The following SYNJ2BP variants were observed in gnomAD, a reference collection of about 807,000 sequenced individuals.
SYNJ2BP encodes the protein synaptojanin 2 binding protein.
SYNJ2BP carries 10 observed loss-of-function variants against 16.9 expected under a neutral mutation model. The ratio of observed to expected loss-of-function variants is 0.59; its 90% CI spans 0.36 to 1.00. SYNJ2BP has a LOEUF of 1.00. Ranked by LOEUF, SYNJ2BP falls within the 50% of genes least tolerant of loss-of-function variation. The pLI is 0.01. For missense variants in SYNJ2BP, 162 were observed against 186.7 expected (o/e 0.87, Z 0.77); for synonymous variants, 54 against 68.4 (o/e 0.79, Z 1.04).
intron 1 of SYNJ2BP, among the ~76,000 whole-genome samples, chr14:70,396,262 C>G (rs985038175): frequency 6.6e-6 from 1 of 152,102 alleles, no homozygotes; most frequent in African/African-American, 2.4e-5. Context: ...GGATTACAAG[C>G]GCCTGCCACC....
Position 70,378,737 on chromosome 14 carries a change from A to G in SYNJ2BP, c.202-2966T>C, listed in dbSNP as rs1887686404. 2.0e-5 allele frequency among the ~76,000 whole-genome samples: 3 copies of G among 152,158 alleles called. No homozygotes were observed. In the South Asian group the frequency reaches 6.2e-4, roughly 32 times the overall value. The stretch of plus-strand genomic sequence containing the variant: ...TTGCCTATTTTAGGCTGTTGACACT[A>G]AAAACAAAACAAAAACTTGGGACCC... On this transcript the variant is annotated intron_variant, in intron 2 of 3. Coordinates refer to ENST00000256366, the MANE Select transcript of SYNJ2BP (RefSeq NM_018373.3).
intron 1 of SYNJ2BP, among the ~76,000 whole-genome samples, chr14:70,415,957 C>A (rs1888596445): frequency 6.6e-6 from 1 of 152,162 alleles, no homozygotes; most frequent in Non-Finnish European, 1.5e-5. Flanking sequence ...ATATTTATAA[C>A]CATCCCCATT....
intron 2 of SYNJ2BP, among the ~76,000 whole-genome samples, chr14:70,385,663 G>A (rs1207547800): frequency 1.3e-5 from 2 of 152,122 alleles, no homozygotes; most frequent in East Asian, 1.9e-4. Context: ...TTACAGGCAT[G>A]AGCCACTGTA....
intron 1 of SYNJ2BP, among the ~76,000 whole-genome samples, chr14:70,389,041 A>C (rs2140834319): frequency 6.6e-6 from 1 of 151,732 alleles, no homozygotes. Context: ...TCCTGGCCTC[A>C]AGCAATCACT....
intron 1 of SYNJ2BP, among the ~76,000 whole-genome samples, chr14:70,389,187 T>C (rs974269973): frequency 6.6e-6 from 1 of 152,200 alleles, no homozygotes; most frequent in African/African-American, 2.4e-5. Context: ...ACATTCCTGA[T>C]ATTACTACAG....
chr14:70,400,680 C>T lies in SYNJ2BP; in HGVS notation c.65-12074G>A, dbSNP rs112242614. The stretch of plus-strand genomic sequence containing the variant: ...CTAAACTAGGCAAAAATGTATATTC[C>T]CATGCCTTCTTATACTTTTACTAAA... On this transcript the variant is annotated intron_variant, in intron 1 of 3. Transcript: ENST00000256366. Among the ~76,000 whole-genome samples the T allele has an allele frequency of 2.6e-4, 39 of 152,156 alleles. 1 individual carries two copies. Among genetic ancestry groups the T allele is most frequent in the African/African-American group, 9.4e-4 (39 of 41,490 alleles).
At chr14:70,388,411 G>A (rs1887906447) in intron 2 of SYNJ2BP, 59 bp downstream of exon 2, 1 of 1,432,670 alleles carries the variant, frequency 7.0e-7, no homozygotes, top group Non-Finnish European at 9.2e-7. Flanking sequence ...GATAGGGAGG[G>A]GTAGGACCTA....
intron 1 of SYNJ2BP, among the ~76,000 whole-genome samples, chr14:70,405,440 A>G (rs1250809069): frequency 6.6e-6 from 1 of 152,114 alleles, no homozygotes; most frequent in Non-Finnish European, 1.5e-5. Flanking sequence ...CACCAACCTA[A>G]TAGAAGTTTT....
chr14:70,403,790 T>G (rs1888290400), intron 1 of SYNJ2BP, among the ~76,000 whole-genome samples: 1 of 152,244 alleles, frequency 6.6e-6, no homozygotes, highest in Non-Finnish European at 1.5e-5. Context: ...TTGTTTTCAC[T>G]TTATGGACTG....
chr14:70,390,923 CAGG>C (rs1887967874), intron 1 of SYNJ2BP, among the ~76,000 whole-genome samples: 2 of 152,084 alleles, frequency 1.3e-5, no homozygotes, highest in Non-Finnish European at 2.9e-5. Context: ...CACTTGAGCT[CAGG>C]AGTTCGAGAC....
intron 1 of SYNJ2BP, among the ~76,000 whole-genome samples, chr14:70,406,958 G>C (rs75378043): frequency 6.6e-6 from 1 of 152,252 alleles, no homozygotes; most frequent in South Asian, 2.1e-4. Context: ...TCTAGGCAGC[G>C]AGCAAGAAGA....
intron 2 of SYNJ2BP, among the ~76,000 whole-genome samples, chr14:70,383,050 G>T (rs1453327814): frequency 6.6e-6 from 1 of 152,002 alleles, no homozygotes; most frequent in Non-Finnish European, 1.5e-5. Context: ...ACATTTTTTG[G>T]TCTCTTTTTT....
intron 3 of SYNJ2BP, among the ~76,000 whole-genome samples, chr14:70,374,682 C>A (rs1421546608): frequency 6.6e-6 from 1 of 152,036 alleles, no homozygotes; most frequent in African/African-American, 2.4e-5. Context: ...CTCCTATGAA[C>A]ACTAAAGATT....
chr14:70,406,373 T>C (rs1888344956), intron 1 of SYNJ2BP, among the ~76,000 whole-genome samples: 1 of 152,250 alleles, frequency 6.6e-6, no homozygotes, highest in Non-Finnish European at 1.5e-5. Flanking sequence ...TGTTCATTCC[T>C]GGGTGTAGGC....
At chr14:70,414,800 G>T (rs1888566741) in intron 1 of SYNJ2BP, among the ~76,000 whole-genome samples, 1 of 152,076 alleles carries the variant, frequency 6.6e-6, no homozygotes, top group Non-Finnish European at 1.5e-5. Flanking sequence ...AATCAGAAAA[G>T]GAACTAGCAT....
In SYNJ2BP at chr14:70,416,335, T is replaced by A. The variant is rs199702710; in HGVS notation, c.64+565A>T. On this transcript the variant is annotated intron_variant, in intron 1 of 3. Coordinates refer to ENST00000256366, the MANE Select transcript of SYNJ2BP (RefSeq NM_018373.3). ...TTATTTTCTTTTTTTTTTTTTTTTT[T>A]AAAGCCCTGGGTAATTTTGTGGCGG... Among the ~76,000 whole-genome samples, 585 of 124,062 alleles carry A rather than the reference T, an allele frequency of 4.7e-3. 2 individuals are homozygous for A. Among genetic ancestry groups the A allele is most frequent in the African/African-American group, 0.018 (542 of 29,506 alleles). 81.4% of individuals were successfully genotyped at this position (124,062 alleles called of 152,430 possible).
chr14:70,378,152 T>C (rs953327271), intron 2 of SYNJ2BP, among the ~76,000 whole-genome samples: 13 of 152,310 alleles, frequency 8.5e-5, no homozygotes, highest in African/African-American at 3.1e-4. Context: ...CCTTTCTTTC[T>C]CCTTAAGGTG....
chr14:70,375,379 T>C (rs1160758957), intron 3 of SYNJ2BP, among the ~76,000 whole-genome samples: 2 of 151,636 alleles, frequency 1.3e-5, no homozygotes, highest in African/African-American at 4.9e-5. Context: ...TTTGTATTTT[T>C]AGTAGAGATG....
intron 1 of SYNJ2BP, among the ~76,000 whole-genome samples, chr14:70,400,753 G>A (rs1164527266): frequency 6.6e-6 from 1 of 152,154 alleles, no homozygotes; most frequent in Non-Finnish European, 1.5e-5. Flanking sequence ...TCTATCCTCA[G>A]TAGTCTCAAT....
Sources: allele counts gnomAD v4.1 joint callset (sites outside exome capture counted in the v4.1 genomes callset), GRCh38; gene constraint gnomAD v4.1.1; transcripts MANE v1.5; gene names NCBI Gene and HGNC (gene_info 2026-07-23, HGNC 2026-07-21).